Variants in LRMDA observed in about 807,000 individuals in gnomAD.
LRMDA encodes the protein leucine-rich melanocyte differentiation-associated protein.
A neutral mutation model predicts 29.8 loss-of-function variants in LRMDA; 18 were observed. The observed-to-expected ratio is 0.60, with a 90% CI of 0.42 to 0.90. LRMDA has a LOEUF of 0.90. LRMDA is among the 40% of genes least tolerant of loss of function. The pLI is 0.00. For synonymous variants in LRMDA, 125 were observed against 109.4 expected, an observed-to-expected ratio of 1.14 and a Z score of -0.89; for missense variants, 273 against 273.9, an observed-to-expected ratio of 1.00 and a Z score of 0.02.
chr10:76,481,565 A>G (rs1842733675), intron 6 of LRMDA, among the ~76,000 whole-genome samples: 1 of 151,956 alleles, frequency 6.6e-6, no homozygotes. Flanking sequence ...TTTAAAAGAA[A>G]TAGCTAATTA....
intron 5 of LRMDA, among the ~76,000 whole-genome samples, chr10:76,130,079 A>G (rs1849958760): frequency 6.6e-6 from 1 of 151,734 alleles, no homozygotes; most frequent in Non-Finnish European, 1.5e-5. Context: ...AACTATTAAT[A>G]TAATATCTGA....
rs559316002 is a variant in LRMDA, at chr10:76,380,525, C to T, written c.601+56040C>T. 4.5e-4 allele frequency among the ~76,000 whole-genome samples: 68 copies of T among 151,826 alleles called. No homozygotes were observed. In the South Asian group the frequency reaches 0.013, roughly 30 times the overall value. ...TCTACTAAAAATACAAAAAATTAGT[C>T]GGGCGTGGTGGCGGGCGCCTGTAGT... is the stretch of plus-strand genomic sequence containing the variant. On this transcript the variant is annotated intron_variant, in intron 6 of 6. Coordinates refer to ENST00000611255, the MANE Select transcript of LRMDA (RefSeq NM_001305581.2).
At chr10:76,411,311 G>T (rs527953155) in intron 6 of LRMDA, among the ~76,000 whole-genome samples, 42 of 152,248 alleles carry the variant, frequency 2.8e-4, no homozygotes, top group African/African-American at 9.6e-4. Flanking sequence ...TAGTATACGT[G>T]GTTCAGACCA....
chr10:76,181,869 G>A (rs1851056388), intron 5 of LRMDA, among the ~76,000 whole-genome samples: 1 of 152,168 alleles, frequency 6.6e-6, no homozygotes, highest in South Asian at 2.1e-4. Context: ...TTTAGCTCCT[G>A]CTTGAGACTG....
chr10:75,669,101 A>G lies in LRMDA; in HGVS notation c.131+230607A>G, dbSNP rs370542349. ...AGCTACCAGCATTTTCCTCTCTACCATATTTAGCCCCTTATGTTGTATTTG... is the reference window on the plus strand; with the variant it reads ...AGCTACCAGCATTTTCCTCTCTACCGTATTTAGCCCCTTATGTTGTATTTG... On this transcript the variant is annotated intron_variant, in intron 2 of 6. Coordinates refer to ENST00000611255, the MANE Select transcript of LRMDA (RefSeq NM_001305581.2). Among the ~76,000 whole-genome samples the G allele has an allele frequency of 6.6e-5, 10 of 152,288 alleles. No individual in the cohort carries two copies. The East Asian group carries it at 7.7e-4, about 12-fold the overall frequency.
chr10:75,706,437 G>C (rs1323499345), intron 2 of LRMDA, among the ~76,000 whole-genome samples: 1 of 152,104 alleles, frequency 6.6e-6, no homozygotes, highest in African/African-American at 2.4e-5. Context: ...CCAAAGTTTT[G>C]GGCTGTGTAG....
At chr10:76,150,590 G>T (rs1850421946) in intron 5 of LRMDA, among the ~76,000 whole-genome samples, 1 of 152,186 alleles carries the variant, frequency 6.6e-6, no homozygotes, top group African/African-American at 2.4e-5. Flanking sequence ...TGTCCATTAA[G>T]CGGATGTTTG....
At chr10:76,410,048 T>C (rs1350584694) in intron 6 of LRMDA, among the ~76,000 whole-genome samples, 1 of 151,986 alleles carries the variant, frequency 6.6e-6, no homozygotes, top group Non-Finnish European at 1.5e-5. Flanking sequence ...GGGAGAAATG[T>C]GAGAAGAGTT....
intron 6 of LRMDA, among the ~76,000 whole-genome samples, chr10:76,334,315 CTT>C (rs1179106610): frequency 1.3e-5 from 2 of 152,190 alleles, no homozygotes; most frequent in African/African-American, 4.8e-5. Flanking sequence ...TTGTAGAAAA[CTT>C]TACCCCTGCC....
chr10:75,431,761 C>A lies in LRMDA; in HGVS notation c.30+7C>A. The A allele has an allele frequency of 1.5e-6, 2 of 1,365,830 alleles. No homozygotes were observed. The highest frequency in any genetic ancestry group is 9.5e-7 in the Non-Finnish European group (1 of 1,053,980). The allele number at this position is 1,365,830 out of a possible 1,614,324, so 84.6% of individuals were successfully genotyped here. Reference sequence around the variant, plus strand: ...CGTGGTGCGTGGAACTCAAGTAAGTCCCGGCCAGCCCCGCCTCCGCCCGGG... The same window carrying A: ...CGTGGTGCGTGGAACTCAAGTAAGTACCGGCCAGCCCCGCCTCCGCCCGGG... On this transcript the variant is annotated splice_region_variant and intron_variant, in intron 1 of 6. Transcript: ENST00000611255.
chr10:76,055,777 T>A (rs1848603677), intron 4 of LRMDA, among the ~76,000 whole-genome samples: 2 of 152,210 alleles, frequency 1.3e-5, no homozygotes, highest in Non-Finnish European at 2.9e-5. Context: ...ACAACCAGCT[T>A]CCACTGCAGG....
chr10:75,669,497 C>T (rs1841865222), intron 2 of LRMDA, among the ~76,000 whole-genome samples: 1 of 152,180 alleles, frequency 6.6e-6, no homozygotes, highest in Admixed American at 6.5e-5. Flanking sequence ...ACTGCTATGC[C>T]TGTTATGTAA....
intron 2 of LRMDA, among the ~76,000 whole-genome samples, chr10:75,964,733 C>T (rs1049763029): frequency 2.0e-5 from 3 of 152,122 alleles, no homozygotes; most frequent in Admixed American, 1.3e-4. Flanking sequence ...AGAAGACATG[C>T]GTTTGAAGCC....
At chr10:76,024,918 C>T (rs1353299027) in intron 2 of LRMDA, among the ~76,000 whole-genome samples, 1 of 152,188 alleles carries the variant, frequency 6.6e-6, no homozygotes, top group Non-Finnish European at 1.5e-5. Flanking sequence ...TGGCTGTGGG[C>T]GCCTCCCCCA....
intron 6 of LRMDA, among the ~76,000 whole-genome samples, chr10:76,342,202 A>G (rs978196688): frequency 8.5e-5 from 13 of 152,158 alleles, no homozygotes; most frequent in African/African-American, 2.9e-4. Context: ...AAAGCCCTCT[A>G]CCCAGAAATT....
intron 2 of LRMDA, among the ~76,000 whole-genome samples, chr10:75,565,429 GTT>G (rs1381410429): frequency 6.6e-6 from 1 of 152,250 alleles, no homozygotes; most frequent in Non-Finnish European, 1.5e-5. Context: ...TTGGGTGCCA[GTT>G]TGACTGCATC....
At position 76,376,859 on chromosome 10, in the gene LRMDA, G is replaced by T. The variant is rs1355158794; in HGVS notation, c.601+52374G>T. The stretch of plus-strand genomic sequence containing the variant: ...TTTTTCAAATGTTTGTTGGGCACTT[G>T]GAAGTCTTTTTTTTTTTTTTTTTTT... On this transcript the variant is annotated intron_variant, in intron 6 of 6. Coordinates refer to ENST00000611255, the MANE Select transcript of LRMDA (RefSeq NM_001305581.2). Among the ~76,000 whole-genome samples, 3 of 43,430 alleles carry T rather than the reference G, an allele frequency of 6.9e-5. 1 individual carries two copies. The highest frequency in any genetic ancestry group is 8.8e-4 in the South Asian group (1 of 1,130). 28.5% of individuals were successfully genotyped at this position (43,430 alleles called of 152,430 possible). A position where few individuals can be genotyped will look rare whatever the true frequency, so the allele number is the denominator to read the frequency against.
At chr10:75,859,617 AC>A (rs1564588836) in intron 2 of LRMDA, among the ~76,000 whole-genome samples, 5,399 of 147,814 alleles carry the variant, frequency 0.037, 132 homozygotes, top group African/African-American at 0.05. Flanking sequence ...ACACACACAC[AC>A]ACACACACAC....
At chr10:76,287,814 C>T (rs2132343109) in intron 5 of LRMDA, among the ~76,000 whole-genome samples, 1 of 152,256 alleles carries the variant, frequency 6.6e-6, no homozygotes. Flanking sequence ...GAACCACAGC[C>T]ACACCAGGCC....
Sources: gnomAD v4.1 joint callset for allele counts (sites outside exome capture counted in the v4.1 genomes callset) on GRCh38, gnomAD v4.1.1 for gene constraint, MANE v1.5 for transcripts, NCBI Gene and HGNC (gene_info 2026-07-23, HGNC 2026-07-21) for gene names.